TRABD2B: variants seen among roughly 807,000 people sequenced by gnomAD.
TRABD2B encodes TraB domain containing 2B, also known as metalloprotease TIKI2.
A neutral mutation model predicts 40.1 loss-of-function variants in TRABD2B; 14 were observed. The ratio of observed to expected loss-of-function variants is 0.35; its 90% CI spans 0.23 to 0.55. The LOEUF (loss-of-function observed/expected upper bound fraction) is 0.55, where lower values mean the gene tolerates loss of function less well. Among genes scored for constraint, TRABD2B ranks in the 20% least tolerant of loss-of-function variants. The pLI is 0.90. For missense variants in TRABD2B, 541 were observed against 648.6 expected, an observed-to-expected ratio of 0.83 and a Z score of 1.80; for synonymous variants, 263 against 277.0, an observed-to-expected ratio of 0.95 and a Z score of 0.50.
At chr1:47,778,704 A>G (rs1053720539) in intron 4 of TRABD2B, among the ~76,000 whole-genome samples, 160 bp from the exon 5 acceptor site, 18 of 152,324 alleles carry the variant, frequency 1.2e-4, no homozygotes, top group Admixed American at 1.0e-3. Context: ...AAGGTAAGAC[A>G]TGGTCCTGGT....
At chr1:47,807,492 T>C (rs182106231) in intron 2 of TRABD2B, among the ~76,000 whole-genome samples, 2 of 152,312 alleles carry the variant, frequency 1.3e-5, no homozygotes, top group Admixed American at 1.3e-4. Context: ...GAGGTTGTTG[T>C]TGAAAGCAAA....
intron 2 of TRABD2B, among the ~76,000 whole-genome samples, chr1:47,938,682 T>C (rs1645145446): frequency 6.6e-6 from 1 of 152,162 alleles, no homozygotes; most frequent in South Asian, 2.1e-4. Context: ...TTTACTGGAA[T>C]CATGTGTCCC....
chr1:47,787,969 C>G (rs1387942834), intron 4 of TRABD2B, among the ~76,000 whole-genome samples: 1 of 152,094 alleles, frequency 6.6e-6, no homozygotes, highest in Non-Finnish European at 1.5e-5. Context: ...GCCCAAGTGA[C>G]AGCTGGATGG....
intron 2 of TRABD2B, among the ~76,000 whole-genome samples, chr1:47,944,395 T>G (rs1371224377): frequency 2.0e-5 from 3 of 152,026 alleles, no homozygotes; most frequent in Non-Finnish European, 4.4e-5. Flanking sequence ...AAAAAAGAAA[T>G]AACCATTAGG....
intron 2 of TRABD2B, among the ~76,000 whole-genome samples, chr1:47,810,149 TGTGTGCGCGCGCGCGCGCGCAC>T (rs1243423421): frequency 3.9e-5 from 5 of 127,214 alleles, no homozygotes; most frequent in Non-Finnish European, 8.5e-5. Context: ...TGTGTGTGTG[TGTGTGCGCGCGCGCGCGCGCAC>T]GTGTGTGTGT....
chr1:47,828,609 T>TC (rs1251584013), intron 2 of TRABD2B, among the ~76,000 whole-genome samples: 1 of 152,148 alleles, frequency 6.6e-6, no homozygotes, highest in Non-Finnish European at 1.5e-5. Context: ...GAGGTATAAG[T>TC]CCCTTTGGTC....
chr1:47,907,509 C>G (rs1644694682), intron 2 of TRABD2B, among the ~76,000 whole-genome samples: 1 of 152,172 alleles, frequency 6.6e-6, no homozygotes, highest in South Asian at 2.1e-4. Flanking sequence ...AACTGAGGCT[C>G]CAACATGAGT....
At chr1:47,907,390 G>T (rs545651404) in intron 2 of TRABD2B, among the ~76,000 whole-genome samples, 22 of 152,256 alleles carry the variant, frequency 1.4e-4, no homozygotes, top group African/African-American at 5.1e-4. Flanking sequence ...AAACTTCTGA[G>T]AACAGGAAAT....
intron 2 of TRABD2B, among the ~76,000 whole-genome samples, chr1:47,875,877 C>A (rs1189469185): frequency 6.6e-6 from 1 of 151,050 alleles, no homozygotes; most frequent in African/African-American, 2.5e-5. Flanking sequence ...GTGGCCACAG[C>A]CCTGGCCTCT....
intron 2 of TRABD2B, among the ~76,000 whole-genome samples, chr1:47,926,742 G>A (rs549605965): frequency 6.6e-6 from 1 of 152,260 alleles, no homozygotes; most frequent in Non-Finnish European, 1.5e-5. Context: ...AGAGGAAGGA[G>A]GCCAAGAGGA....
At chr1:47,840,976 G>A (rs1645388696) in intron 2 of TRABD2B, among the ~76,000 whole-genome samples, 1 of 152,160 alleles carries the variant, frequency 6.6e-6, no homozygotes. Context: ...GAGAATGAAT[G>A]AAGCCTATTC....
chr1:47,909,498 A>AAGGAGG (rs779786878), intron 2 of TRABD2B, among the ~76,000 whole-genome samples: 6 of 103,602 alleles, frequency 5.8e-5, no homozygotes, highest in South Asian at 3.6e-4. Flanking sequence ...GAAGGAGGAG[A>AAGGAGG]AGGAGGAGAA....
In TRABD2B at chr1:47,849,426, G is replaced by A. The variant is rs150518081; in HGVS notation, c.667-47807C>T. Among the ~76,000 whole-genome samples, 196 of 152,314 alleles carry A rather than the reference G, an allele frequency of 1.3e-3. 2 individuals are homozygous for A. The highest frequency in any genetic ancestry group is 4.4e-3 in the African/African-American group (183 of 41,568). On this transcript the variant is annotated intron_variant, in intron 2 of 6. Transcript: ENST00000606738. ...CCTTGGACTGTGCCTCCAGGACTGT[G>A]AGGAAGTACATTCCTGTTGCTTCGG...
At chr1:47,822,958 A>G (rs1308580397) in intron 2 of TRABD2B, among the ~76,000 whole-genome samples, 1 of 152,232 alleles carries the variant, frequency 6.6e-6, no homozygotes, top group Non-Finnish European at 1.5e-5. Flanking sequence ...GAGTACCTCC[A>G]AGGTGCCATC....
intron 5 of TRABD2B, among the ~76,000 whole-genome samples, chr1:47,776,339 TAATC>T (rs2124065160): frequency 6.6e-6 from 1 of 152,142 alleles, no homozygotes; most frequent in Admixed American, 6.5e-5. Flanking sequence ...GCAAGTTACT[TAATC>T]ATATCAAGCA....
chr1:47,939,024 G>A (rs540373634), intron 2 of TRABD2B, among the ~76,000 whole-genome samples: 14 of 152,122 alleles, frequency 9.2e-5, no homozygotes, highest in Non-Finnish European at 1.9e-4. Flanking sequence ...AAGATGAGTG[G>A]CATGCAGGAA....
At chr1:47,798,466 G>A (rs1261064525) in intron 3 of TRABD2B, among the ~76,000 whole-genome samples, 1 of 152,218 alleles carries the variant, frequency 6.6e-6, no homozygotes, top group Non-Finnish European at 1.5e-5. Flanking sequence ...CCAGTGGCCT[G>A]GGGGCTGCAG....
intron 2 of TRABD2B, among the ~76,000 whole-genome samples, chr1:47,854,654 C>T (rs867258859): frequency 3.9e-5 from 6 of 152,140 alleles, no homozygotes; most frequent in Non-Finnish European, 8.8e-5. Flanking sequence ...GAAGTGACCT[C>T]GCAATTTGCA....
chr1:47,828,771 C>T (rs1193417513), intron 2 of TRABD2B, among the ~76,000 whole-genome samples: 2 of 152,174 alleles, frequency 1.3e-5, no homozygotes, highest in African/African-American at 4.8e-5. Flanking sequence ...ACATTAAGCA[C>T]CCACACCCTA....
Sources: gnomAD v4.1 joint callset for allele counts (sites outside exome capture counted in the v4.1 genomes callset) on GRCh38, gnomAD v4.1.1 for gene constraint, MANE v1.5 for transcripts, NCBI Gene and HGNC (gene_info 2026-07-23, HGNC 2026-07-21) for gene names.